Variants in ERC2 observed in about 807,000 individuals in gnomAD.
ERC2 encodes ELKS/RAB6-interacting/CAST family member 2, also known as ERC protein 2.
In ERC2, 42 loss-of-function variants were observed where a neutral mutation model predicts 114.8. The ratio of observed to expected loss-of-function variants is 0.37; its 90% CI spans 0.29 to 0.47. The LOEUF (loss-of-function observed/expected upper bound fraction) is 0.47, where lower values mean the gene tolerates loss of function less well. Among genes scored for constraint, ERC2 ranks in the 20% least tolerant of loss-of-function variants. The probability of loss-of-function intolerance (pLI) is 0.99; values close to 1 mark genes in which losing one functional copy is unlikely to be tolerated. For synonymous variants in ERC2, 454 were observed against 425.5 expected, an observed-to-expected ratio of 1.07 and a Z score of -0.82; for missense variants, 939 against 1,150.7, an observed-to-expected ratio of 0.82 and a Z score of 2.66.
intron 2 of ERC2, among the ~76,000 whole-genome samples, chr3:56,377,182 G>C (rs2059578263): frequency 6.6e-6 from 1 of 152,156 alleles, no homozygotes; most frequent in African/African-American, 2.4e-5. Context: ...TACTTGTCAA[G>C]TGAGTAAAAT....
intron 3 of ERC2, among the ~76,000 whole-genome samples, chr3:56,280,897 A>C (rs968950434): frequency 2.0e-5 from 3 of 152,220 alleles, no homozygotes; most frequent in African/African-American, 4.8e-5. Flanking sequence ...ATCTTTAAAA[A>C]GAGAATAAAT....
chr3:55,609,845 A>C (rs1370575466), intron 17 of ERC2, among the ~76,000 whole-genome samples: 1 of 151,994 alleles, frequency 6.6e-6, no homozygotes, highest in African/African-American at 2.4e-5. Context: ...CTTTGGTCAA[A>C]GTTGTCTCTC....
chr3:56,304,641 GA>G (rs2056102448), intron 2 of ERC2, among the ~76,000 whole-genome samples: 1 of 152,094 alleles, frequency 6.6e-6, no homozygotes, highest in Non-Finnish European at 1.5e-5. Context: ...GGAATACAGG[GA>G]TATATTAAAA....
chr3:56,094,724 G>A (rs2077964638), intron 6 of ERC2, among the ~76,000 whole-genome samples: 2 of 152,152 alleles, frequency 1.3e-5, no homozygotes, highest in Admixed American at 6.5e-5. Context: ...AGACAGATCA[G>A]TCCATGAACA....
At chr3:56,316,915 G>T (rs764613199) in intron 2 of ERC2, among the ~76,000 whole-genome samples, 7 of 152,126 alleles carry the variant, frequency 4.6e-5, no homozygotes, top group Non-Finnish European at 1.0e-4. Flanking sequence ...TATATAAGCT[G>T]GTCATTCATT....
chr3:56,427,285 T>A (rs865976267), intron 2 of ERC2, among the ~76,000 whole-genome samples: 33 of 152,202 alleles, frequency 2.2e-4, no homozygotes, highest in African/African-American at 7.7e-4. Context: ...GGTTGGTTAG[T>A]TGGTTGATTG....
chr3:56,301,570 T>C (rs2055876875), intron 2 of ERC2, among the ~76,000 whole-genome samples: 1 of 152,062 alleles, frequency 6.6e-6, no homozygotes, highest in Non-Finnish European at 1.5e-5. Flanking sequence ...CTCAATCAAG[T>C]TTCAAAACTC....
At chr3:56,299,013 T>C (rs2055649938) in intron 2 of ERC2, among the ~76,000 whole-genome samples, 1 of 151,916 alleles carries the variant, frequency 6.6e-6, no homozygotes, top group Admixed American at 6.6e-5. Context: ...CAGCCAAGAC[T>C]CTTGAAAGAG....
chr3:56,063,112 C>G (rs777446859), intron 7 of ERC2, among the ~76,000 whole-genome samples: 1 of 152,160 alleles, frequency 6.6e-6, no homozygotes, highest in Admixed American at 6.5e-5. Flanking sequence ...AAGCCAGACA[C>G]GAAAGTCTAT....
At chr3:55,997,829 C>T (rs1010555346) in intron 10 of ERC2, among the ~76,000 whole-genome samples, 2 of 141,430 alleles carry the variant, frequency 1.4e-5, no homozygotes, top group Admixed American at 7.2e-5. Flanking sequence ...CTAAATAATA[C>T]ATTTGGAAAC....
At chr3:56,167,426 A>T (rs945719194) in intron 4 of ERC2, among the ~76,000 whole-genome samples, 3 of 152,166 alleles carry the variant, frequency 2.0e-5, no homozygotes, top group Admixed American at 2.0e-4. Flanking sequence ...TGTAGAGTCA[A>T]ATATATCATA....
chr3:55,879,324 T>C (rs778823829), intron 14 of ERC2, among the ~76,000 whole-genome samples: 2 of 152,104 alleles, frequency 1.3e-5, no homozygotes, highest in African/African-American at 4.8e-5. Flanking sequence ...AGAGTTCTTT[T>C]GCACTAAAAG....
At chr3:56,286,579 A>T (rs920220256) in intron 3 of ERC2, among the ~76,000 whole-genome samples, 2 of 152,188 alleles carry the variant, frequency 1.3e-5, no homozygotes, top group African/African-American at 4.8e-5. Context: ...CTACTTACTT[A>T]TCCTTAATTC....
intron 3 of ERC2, among the ~76,000 whole-genome samples, chr3:56,269,268 A>G (rs565593072): frequency 6.6e-6 from 1 of 152,312 alleles, no homozygotes; most frequent in South Asian, 2.1e-4. Flanking sequence ...CCTGGTTCTC[A>G]TCTCAAATTT....
chr3:56,251,512 G>GA, intron 3 of ERC2, among the ~76,000 whole-genome samples: 1 of 152,152 alleles, frequency 6.6e-6, no homozygotes, highest in East Asian at 1.9e-4. Flanking sequence ...CTGGCAAGAA[G>GA]AAAAAAATAA....
At chr3:56,003,087 GA>G (rs1560006337) in intron 10 of ERC2, 1 of 1,289,296 alleles carries the variant, frequency 7.8e-7, no homozygotes, top group Non-Finnish European at 1.0e-6. Flanking sequence ...GGAACTTTCA[GA>G]AATGACTTAC....
At chr3:56,203,154 T>C (rs2048502774) in intron 3 of ERC2, among the ~76,000 whole-genome samples, 1 of 152,180 alleles carries the variant, frequency 6.6e-6, no homozygotes, top group South Asian at 2.1e-4. Context: ...CATAAACCTC[T>C]TAGGGAAACA....
chr3:55,874,559 T>C (rs972066268), intron 14 of ERC2, among the ~76,000 whole-genome samples: 4 of 150,970 alleles, frequency 2.6e-5, no homozygotes, highest in Non-Finnish European at 5.9e-5. Flanking sequence ...ATTCTAACAC[T>C]TGTTAGAATG....
chr3:56,317,499 T>A (rs2056921749), intron 2 of ERC2, among the ~76,000 whole-genome samples: 1 of 152,190 alleles, frequency 6.6e-6, no homozygotes, highest in Non-Finnish European at 1.5e-5. Flanking sequence ...ACTGGGCTTG[T>A]GAATGCATTC....
Sources: gnomAD v4.1 joint callset for allele counts (sites outside exome capture counted in the v4.1 genomes callset) on GRCh38, gnomAD v4.1.1 for gene constraint, MANE v1.5 for transcripts, NCBI Gene and HGNC (gene_info 2026-07-23, HGNC 2026-07-21) for gene names.